The following PTPRR variants were observed in gnomAD, a reference collection of about 807,000 sequenced individuals.
PTPRR encodes receptor-type tyrosine-protein phosphatase R.
A neutral mutation model predicts 77.2 loss-of-function variants in PTPRR; 38 were observed. The ratio of observed to expected loss-of-function variants is 0.49; its 90% CI spans 0.38 to 0.65. The LOEUF (loss-of-function observed/expected upper bound fraction) is 0.65. Among genes scored for constraint, PTPRR ranks in the 30% least tolerant of loss-of-function variants. The probability of loss-of-function intolerance (pLI) is 0.00; values close to 1 mark genes in which losing one functional copy is unlikely to be tolerated. For synonymous variants in PTPRR, 299 were observed against 283.1 expected, an observed-to-expected ratio of 1.06 and a Z score of -0.57; for missense variants, 744 against 799.2, an observed-to-expected ratio of 0.93 and a Z score of 0.83.
At chr12:70,814,242 G>A (rs1891860858) in intron 2 of PTPRR, among the ~76,000 whole-genome samples, 1 of 152,180 alleles carries the variant, frequency 6.6e-6, no homozygotes, top group South Asian at 2.1e-4. Flanking sequence ...TTTTGGGAAT[G>A]CCTTGTCCTA....
chr12:70,828,011 T>C (rs1490935387), intron 2 of PTPRR, among the ~76,000 whole-genome samples: 1 of 152,078 alleles, frequency 6.6e-6, no homozygotes, highest in Non-Finnish European at 1.5e-5. Flanking sequence ...TGAGCCACCA[T>C]GCCTGGCCCA....
intron 6 of PTPRR, among the ~76,000 whole-genome samples, chr12:70,743,560 A>C (rs1325994686): frequency 6.6e-6 from 1 of 152,124 alleles, no homozygotes; most frequent in Non-Finnish European, 1.5e-5. Context: ...TGAAGTTACT[A>C]GGGTTGAGGT....
At chr12:70,749,785 A>C (rs535766149) in intron 5 of PTPRR, among the ~76,000 whole-genome samples, 1 of 152,332 alleles carries the variant, frequency 6.6e-6, no homozygotes, top group Non-Finnish European at 1.5e-5. Context: ...TTATTGATCC[A>C]AACAACTATT....
intron 2 of PTPRR, among the ~76,000 whole-genome samples, chr12:70,876,198 C>A (rs10459279): frequency 0.66 from 99,719 of 150,794 alleles, 33,450 homozygotes; most frequent in African/African-American, 0.81. Context: ...AAAAGGAAGT[C>A]AATGGAAAAG....
chr12:70,704,693 G>T (rs903267324), intron 6 of PTPRR, among the ~76,000 whole-genome samples: 41 of 151,760 alleles, frequency 2.7e-4, no homozygotes, highest in African/African-American at 8.7e-4. Context: ...ATTACAGTCA[G>T]AAAGACATTT....
intron 10 of PTPRR, among the ~76,000 whole-genome samples, chr12:70,683,636 T>C (rs909596104): frequency 6.6e-6 from 1 of 152,194 alleles, no homozygotes; most frequent in South Asian, 2.1e-4. Context: ...TTCTTTCCTA[T>C]AGCATTTAAT....
chr12:70,745,026 A>C (rs1890167166), intron 6 of PTPRR, among the ~76,000 whole-genome samples: 1 of 152,200 alleles, frequency 6.6e-6, no homozygotes, highest in African/African-American at 2.4e-5. Flanking sequence ...TCACATGTAT[A>C]ATACATCACA....
At chr12:70,848,188 A>AAT in intron 2 of PTPRR, among the ~76,000 whole-genome samples, 1 of 152,294 alleles carries the variant, frequency 6.6e-6, no homozygotes, top group Middle Eastern at 3.4e-3. Context: ...CTAAAAATAA[A>AAT]ATATAATGAC....
intron 2 of PTPRR, among the ~76,000 whole-genome samples, chr12:70,784,180 C>T (rs1015486223): frequency 2.6e-5 from 4 of 152,138 alleles, no homozygotes; most frequent in African/African-American, 7.2e-5. Context: ...CCCAGGAGGG[C>T]GGGGCTTCTG....
intron 10 of PTPRR, among the ~76,000 whole-genome samples, chr12:70,669,577 CACACACACACAA>C (rs1267243555): frequency 2.5e-4 from 38 of 151,450 alleles, no homozygotes; most frequent in African/African-American, 8.5e-4. Flanking sequence ...CACACACACA[CACACACACACAA>C]GCTTGCACAC....
At chr12:70,830,272 T>A (rs1892188818) in intron 2 of PTPRR, among the ~76,000 whole-genome samples, 1 of 152,154 alleles carries the variant, frequency 6.6e-6, no homozygotes. Flanking sequence ...TCTCAAAGTC[T>A]TAGTAGCCTT....
chr12:70,839,778 T>C (rs1451753421), intron 2 of PTPRR, among the ~76,000 whole-genome samples: 1 of 152,186 alleles, frequency 6.6e-6, no homozygotes, highest in African/African-American at 2.4e-5. Flanking sequence ...GTATAGAGCT[T>C]CGCTTCTCTC....
intron 2 of PTPRR, among the ~76,000 whole-genome samples, chr12:70,775,579 A>G (rs1329541836): frequency 6.6e-6 from 1 of 152,220 alleles, no homozygotes; most frequent in Non-Finnish European, 1.5e-5. Context: ...TCATTTGGTC[A>G]TACCCAGTAA....
intron 2 of PTPRR, among the ~76,000 whole-genome samples, chr12:70,842,744 A>G (rs1892417655): frequency 1.3e-5 from 2 of 152,196 alleles, no homozygotes; most frequent in Admixed American, 1.3e-4. Flanking sequence ...TCATGTCAAG[A>G]GTCTTAATCA....
At chr12:70,902,188 G>T (rs757867508) in intron 1 of PTPRR, among the ~76,000 whole-genome samples, 1 of 151,858 alleles carries the variant, frequency 6.6e-6, no homozygotes, top group Non-Finnish European at 1.5e-5. Context: ...TGGATGCAGT[G>T]ATCAGGGAAC....
At chr12:70,895,495 G>A (rs989285368) in intron 1 of PTPRR, among the ~76,000 whole-genome samples, 1 of 151,474 alleles carries the variant, frequency 6.6e-6, no homozygotes, top group Non-Finnish European at 1.5e-5. Context: ...CTGTGTGAAT[G>A]AACTTAGTCC....
intron 2 of PTPRR, 53 bp from the exon 3 acceptor site, chr12:70,764,831 T>A: frequency 2.3e-6 from 3 of 1,296,028 alleles, no homozygotes; most frequent in South Asian, 1.2e-5. Flanking sequence ...TTTGTATAGA[T>A]GTATAGAATA....
At chr12:70,834,187 A>G (rs931035195) in intron 2 of PTPRR, among the ~76,000 whole-genome samples, 2 of 152,186 alleles carry the variant, frequency 1.3e-5, no homozygotes, top group Non-Finnish European at 2.9e-5. Flanking sequence ...ATTTCTAGAG[A>G]TAAATCTATT....
intron 1 of PTPRR, among the ~76,000 whole-genome samples, chr12:70,919,341 G>T (rs1893818879): frequency 6.6e-6 from 1 of 152,172 alleles, no homozygotes; most frequent in South Asian, 2.1e-4. Flanking sequence ...CAGGACTACT[G>T]CATGGACAAC....
Sources: allele counts gnomAD v4.1 joint callset (sites outside exome capture counted in the v4.1 genomes callset), GRCh38; gene constraint gnomAD v4.1.1; transcripts MANE v1.5; gene names NCBI Gene and HGNC (gene_info 2026-07-23, HGNC 2026-07-21).